The following PTPN4 variants were observed in gnomAD, a reference collection of about 807,000 sequenced individuals.
PTPN4 encodes protein tyrosine phosphatase non-receptor type 4.
In PTPN4, 49 loss-of-function variants were observed where a neutral mutation model predicts 135.5. That is an observed-to-expected ratio of 0.36 (90% CI 0.29 to 0.46). PTPN4 has a LOEUF of 0.46. PTPN4 is among the 20% of genes least tolerant of loss of function. The pLI is 1.00. For missense variants in PTPN4, 860 were observed against 1,101.0 expected (o/e 0.78, Z 3.10); for synonymous variants, 333 against 369.9 (o/e 0.90, Z 1.14).
In PTPN4 at chr2:119,977,214, C is replaced by CT; in HGVS notation, c.*147dup. ...CTTTGAAAACTTCAGCACTGTTGCA[C>CT]TTTATGTTTTAAAAAATGTCACTCT... On this transcript the variant is annotated 3_prime_UTR_variant, in exon 27 of 27. Transcript: ENST00000263708. The CT allele has an allele frequency of 7.9e-7, 1 of 1,271,372 alleles. No individual in the cohort carries two copies. The highest frequency in any genetic ancestry group is 3.1e-5 in the East Asian group (1 of 32,618). The allele number at this position is 1,271,372 out of a possible 1,614,324, so 78.8% of individuals were successfully genotyped here.
At chr2:119,780,025 CATG>C (rs2104927508) in intron 1 of PTPN4, among the ~76,000 whole-genome samples, 1 of 152,110 alleles carries the variant, frequency 6.6e-6, no homozygotes, top group South Asian at 2.1e-4. Flanking sequence ...GGATTACAGG[CATG>C]AGCCACCACA....
chr2:119,782,444 T>G (rs1336460463), intron 1 of PTPN4, among the ~76,000 whole-genome samples: 2 of 151,892 alleles, frequency 1.3e-5, no homozygotes, highest in African/African-American at 4.8e-5. Flanking sequence ...AAAAAATTCT[T>G]AAGTTATATG....
intron 13 of PTPN4, among the ~76,000 whole-genome samples, chr2:119,929,256 G>A (rs1335962885): frequency 1.3e-5 from 2 of 151,964 alleles, no homozygotes; most frequent in Non-Finnish European, 1.5e-5. Flanking sequence ...GGATCTAATT[G>A]TAATGAACAG....
At chr2:119,776,342 A>AT (rs1382331528) in intron 1 of PTPN4, among the ~76,000 whole-genome samples, 1 of 152,038 alleles carries the variant, frequency 6.6e-6, no homozygotes, top group Non-Finnish European at 1.5e-5. Context: ...CGCCCGGCTA[A>AT]TTTTTTGTGT....
chr2:119,905,850 C>CT (rs1678480344), intron 10 of PTPN4, among the ~76,000 whole-genome samples: 1 of 152,060 alleles, frequency 6.6e-6, no homozygotes, highest in South Asian at 2.1e-4. Context: ...AAACAACACT[C>CT]TCCTGAAAGA....
At chr2:119,811,994 A>G (rs1438558564) in intron 2 of PTPN4, among the ~76,000 whole-genome samples, 3 of 152,112 alleles carry the variant, frequency 2.0e-5, no homozygotes, top group African/African-American at 7.2e-5. Context: ...CTGTGGTGCT[A>G]GAAACTTTCT....
intron 2 of PTPN4, among the ~76,000 whole-genome samples, chr2:119,847,328 A>ATAT (rs1257711116): frequency 0.11 from 11,413 of 101,122 alleles, 830 homozygotes; most frequent in South Asian, 0.13. Context: ...ATATATATAT[A>ATAT]TTTTTTTTTT....
intron 10 of PTPN4, among the ~76,000 whole-genome samples, chr2:119,911,501 TC>T (rs2105022621): frequency 6.6e-6 from 1 of 152,278 alleles, no homozygotes; most frequent in East Asian, 1.9e-4. Flanking sequence ...CAAGGCACTT[TC>T]TATTTTGATT....
intron 2 of PTPN4, among the ~76,000 whole-genome samples, chr2:119,830,215 G>A (rs933595037): frequency 5.9e-5 from 9 of 152,104 alleles, no homozygotes; most frequent in East Asian, 3.9e-4. Context: ...GTATGAGGTA[G>A]GGGTCCAATT....
intron 1 of PTPN4, among the ~76,000 whole-genome samples, chr2:119,765,936 G>A (rs192852634): frequency 2.0e-5 from 3 of 152,030 alleles, no homozygotes; most frequent in East Asian, 1.9e-4. Context: ...GTGTGTGTGC[G>A]CGCGCGCATG....
At chr2:119,944,263 TTCC>T (rs1679102846) in intron 15 of PTPN4, among the ~76,000 whole-genome samples, 1 of 152,212 alleles carries the variant, frequency 6.6e-6, no homozygotes, top group South Asian at 2.1e-4. Flanking sequence ...AAGAACAATT[TTCC>T]GCTTACCTAT....
chr2:119,953,849 C>T (rs1298592158), intron 19 of PTPN4, among the ~76,000 whole-genome samples: 2 of 152,090 alleles, frequency 1.3e-5, no homozygotes, highest in Admixed American at 1.3e-4. Context: ...AGAATATGAA[C>T]AAAAATCCAT....
At chr2:119,787,808 G>T (rs560932094) in intron 1 of PTPN4, among the ~76,000 whole-genome samples, 5 of 152,220 alleles carry the variant, frequency 3.3e-5, no homozygotes, top group African/African-American at 1.2e-4. Context: ...ATAAAAATTG[G>T]TTGAAAGCAT....
At chr2:119,924,428 T>C (rs1299463298) in intron 12 of PTPN4, among the ~76,000 whole-genome samples, 2 of 152,104 alleles carry the variant, frequency 1.3e-5, no homozygotes, top group African/African-American at 2.4e-5. Context: ...GATTTTTACC[T>C]GCTCATAATG....
intron 15 of PTPN4, among the ~76,000 whole-genome samples, chr2:119,936,552 G>A (rs932191678): frequency 6.6e-6 from 1 of 152,082 alleles, no homozygotes; most frequent in Admixed American, 6.6e-5. Context: ...CTCTCCTGCC[G>A]CCCTGTGAAG....
chr2:119,835,837 A>G (rs1455166036), intron 2 of PTPN4, among the ~76,000 whole-genome samples: 2 of 152,124 alleles, frequency 1.3e-5, no homozygotes, highest in Admixed American at 6.5e-5. Flanking sequence ...TGGGAGGCCA[A>G]GGCGGGTGGA....
intron 1 of PTPN4, among the ~76,000 whole-genome samples, chr2:119,794,322 G>C (rs1239598558): frequency 6.6e-6 from 1 of 152,184 alleles, no homozygotes; most frequent in Non-Finnish European, 1.5e-5. Flanking sequence ...TGCTGGGCTT[G>C]TTCCATCCAC....
chr2:119,859,941 A>G (rs965525493), intron 2 of PTPN4, among the ~76,000 whole-genome samples: 2 of 152,076 alleles, frequency 1.3e-5, no homozygotes, highest in Admixed American at 6.6e-5. Context: ...TTTCCTAGAG[A>G]AAGCAGGCTT....
intron 8 of PTPN4, among the ~76,000 whole-genome samples, 154 bp from the exon 9 acceptor site, chr2:119,885,641 C>T (rs532472999): frequency 6.6e-6 from 1 of 152,110 alleles, no homozygotes. Flanking sequence ...TGAAAATGTG[C>T]CCTCCAGATA....
Sources: gnomAD v4.1 joint callset for allele counts (sites outside exome capture counted in the v4.1 genomes callset) on GRCh38, gnomAD v4.1.1 for gene constraint, MANE v1.5 for transcripts, NCBI Gene and HGNC (gene_info 2026-07-23, HGNC 2026-07-21) for gene names.